Variants in GTF2I observed in about 807,000 individuals in gnomAD.
GTF2I encodes the protein general transcription factor II-I.
GTF2I carries 12 observed loss-of-function variants against 67.6 expected under a neutral mutation model. The ratio of observed to expected loss-of-function variants is 0.18; its 90% CI spans 0.11 to 0.29. GTF2I has a LOEUF of 0.29. Among genes scored for constraint, GTF2I ranks in the 10% least tolerant of loss-of-function variants. The probability of loss-of-function intolerance (pLI) is 1.00; values close to 1 mark genes in which losing one functional copy is unlikely to be tolerated. For synonymous variants in GTF2I, 149 were observed against 197.0 expected (o/e 0.76, Z 2.04); for missense variants, 271 against 580.1 (o/e 0.47, Z 5.47).
intron 1 of GTF2I, among the ~76,000 whole-genome samples, chr7:74,662,659 A>T (rs1174337656): frequency 1.3e-5 from 2 of 150,502 alleles, no homozygotes; most frequent in Non-Finnish European, 2.9e-5. Flanking sequence ...AGTAGCTGGG[A>T]TTACAAGCAC....
intron 12 of GTF2I, among the ~76,000 whole-genome samples, chr7:74,721,359 A>G (rs1792967235): frequency 3.3e-5 from 5 of 152,184 alleles, no homozygotes; most frequent in Admixed American, 3.3e-4. Flanking sequence ...CTTTTAAACT[A>G]AGACATTGTG....
chr7:74,664,953 T>C (rs1042724691), intron 1 of GTF2I, among the ~76,000 whole-genome samples: 1 of 152,192 alleles, frequency 6.6e-6, no homozygotes, highest in South Asian at 2.1e-4. Flanking sequence ...TTTGTTTTTT[T>C]TTTTTGAGAC....
chr7:74,713,808 GC>G (rs1791921464), intron 9 of GTF2I, among the ~76,000 whole-genome samples: 1 of 152,144 alleles, frequency 6.6e-6, no homozygotes, highest in Non-Finnish European at 1.5e-5. Flanking sequence ...CTTTTCTTGA[GC>G]TCTGTATATT....
At chr7:74,660,292 C>T (rs1340140780) in intron 1 of GTF2I, among the ~76,000 whole-genome samples, 2 of 151,408 alleles carry the variant, frequency 1.3e-5, no homozygotes, top group Non-Finnish European at 2.9e-5. Context: ...CGGGTTCAAG[C>T]GATTTTCCTG....
intron 1 of GTF2I, among the ~76,000 whole-genome samples, chr7:74,685,828 C>T (rs1481907857): frequency 2.0e-5 from 3 of 150,962 alleles, no homozygotes; most frequent in Non-Finnish European, 2.9e-5. Flanking sequence ...CCGAGGCGGG[C>T]GGATCATGAG....
intron 8 of GTF2I, among the ~76,000 whole-genome samples, chr7:74,710,062 C>T (rs782573230): frequency 4.6e-5 from 7 of 152,222 alleles, no homozygotes; most frequent in African/African-American, 1.4e-4. Context: ...ATGCAGTGTT[C>T]TCTGCCACCA....
At chr7:74,727,061 T>C (rs1411117608) in intron 12 of GTF2I, 9 of 152,260 alleles carry the variant, frequency 5.9e-5, no homozygotes, top group Admixed American at 5.9e-4. Flanking sequence ...CATTAGTTGT[T>C]ACTATGATTA....
intron 1 of GTF2I, among the ~76,000 whole-genome samples, chr7:74,683,231 G>A (rs1474203157): frequency 6.6e-6 from 1 of 152,054 alleles, no homozygotes; most frequent in African/African-American, 2.4e-5. Flanking sequence ...AAACATCTTA[G>A]ACAAAGAAAA....
chr7:74,726,160 C>T (rs1250868920), intron 12 of GTF2I, among the ~76,000 whole-genome samples: 1 of 152,102 alleles, frequency 6.6e-6, no homozygotes, highest in Admixed American at 6.6e-5. Flanking sequence ...TATAAGGATA[C>T]TTAGGAGACC....
At chr7:74,733,725 C>G (rs1490428639) in intron 15 of GTF2I, 198 bp from the exon 16 acceptor site, 1 of 235,774 alleles carries the variant, frequency 4.2e-6, no homozygotes, top group Non-Finnish European at 8.2e-6. Context: ...GAGACTGCGC[C>G]ATTGCACTCC....
At chr7:74,678,912 C>T (rs587697577) in intron 1 of GTF2I, among the ~76,000 whole-genome samples, 2 of 150,920 alleles carry the variant, frequency 1.3e-5, no homozygotes, top group Admixed American at 6.7e-5. Flanking sequence ...GCTGGGAATC[C>T]AGGTGTGCGC....
chr7:74,706,674 A>AT (rs377080180), intron 8 of GTF2I, among the ~76,000 whole-genome samples: 7,620 of 151,286 alleles, frequency 0.05, 260 homozygotes, highest in Non-Finnish European at 0.075. Context: ...GATAAAATGT[A>AT]TTTTTTTTTC....
rs192656178 is a variant in GTF2I, at chr7:74,667,584, T to C, written c.-6+9516T>C. Among the ~76,000 whole-genome samples, 301 of 151,656 alleles carry C rather than the reference T, an allele frequency of 2.0e-3. 2 individuals carry two copies. Among genetic ancestry groups the C allele is most frequent in the Non-Finnish European group, 2.8e-3 (192 of 67,832 alleles). ...AGGCTGGAGTGCAGTGGTATGCTTT[T>C]GGCTCACTGTAACCTTCGTGTCCTA... On this transcript the variant is annotated intron_variant, in intron 1 of 34. Transcript: ENST00000573035.
rs140984388 is a variant in GTF2I, at chr7:74,662,852, A to G, written c.-6+4784A>G. On this transcript the variant is annotated intron_variant, in intron 1 of 34. Transcript: ENST00000573035. ...ATTATAATGGATTTCTTTCCGGGGA[A>G]AATAACCGCAGATAGGTGGGAGGAA... is the stretch of plus-strand genomic sequence containing the variant. Among the ~76,000 whole-genome samples the G allele has an allele frequency of 3.4e-3, 511 of 152,122 alleles. 1 individual carries two copies. Among genetic ancestry groups the G allele is most frequent in the African/African-American group, 0.012 (488 of 41,512 alleles).
intron 9 of GTF2I, among the ~76,000 whole-genome samples, chr7:74,713,222 C>T (rs1791842825): frequency 6.6e-6 from 1 of 152,030 alleles, no homozygotes; most frequent in African/African-American, 2.4e-5. Flanking sequence ...ACAGTAGTAG[C>T]AGGATAGAAT....
intron 14 of GTF2I, among the ~76,000 whole-genome samples, chr7:74,731,269 A>G (rs1446155256): frequency 1.4e-5 from 2 of 139,628 alleles, no homozygotes; most frequent in Non-Finnish European, 3.1e-5. Flanking sequence ...GTAAAATTGT[A>G]TGATATGCAG....
intron 1 of GTF2I, among the ~76,000 whole-genome samples, chr7:74,665,327 C>T (rs2131191794): frequency 6.6e-6 from 1 of 152,124 alleles, no homozygotes; most frequent in East Asian, 1.9e-4. Context: ...TCTCAGCTCA[C>T]TACAACCCCT....
At chr7:74,683,499 T>TA (rs1787433928) in intron 1 of GTF2I, among the ~76,000 whole-genome samples, 1 of 152,198 alleles carries the variant, frequency 6.6e-6, no homozygotes, top group East Asian at 1.9e-4. Context: ...AATTATGTCA[T>TA]AAATACGTGG....
chr7:74,675,549 G>GT (rs368604088), intron 1 of GTF2I, among the ~76,000 whole-genome samples: 2 of 151,526 alleles, frequency 1.3e-5, no homozygotes, highest in African/African-American at 2.4e-5. Context: ...TTGAGAGGCT[G>GT]TTTTTTTTGG....
Sources: allele counts gnomAD v4.1 joint callset (sites outside exome capture counted in the v4.1 genomes callset), GRCh38; gene constraint gnomAD v4.1.1; transcripts MANE v1.5; gene names NCBI Gene and HGNC (gene_info 2026-07-23, HGNC 2026-07-21).